The following RYR1 variants were observed in gnomAD, a reference collection of about 807,000 sequenced individuals.
The protein encoded by RYR1 is central core disease of muscle.
Under a neutral mutation model 583.5 loss-of-function variants are expected in RYR1, and 342 were observed. The ratio of observed to expected loss-of-function variants is 0.59; its 90% CI spans 0.54 to 0.64. The LOEUF is 0.64. Among genes scored for constraint, RYR1 ranks in the 30% least tolerant of loss-of-function variants. The pLI, the probability that RYR1 is intolerant of heterozygous loss-of-function variation, is 0.00. For missense variants in RYR1, 6,032 were observed against 6,917.2 expected, an observed-to-expected ratio of 0.87 and a Z score of 4.54; for synonymous variants, 2,791 against 2,822.5, an observed-to-expected ratio of 0.99 and a Z score of 0.35.
chr19:38,563,945 C>T (rs924795937), intron 90 of RYR1, among the ~76,000 whole-genome samples: 52 of 152,212 alleles, frequency 3.4e-4, no homozygotes, highest in Non-Finnish European at 2.1e-4. Flanking sequence ...AACCCGCTAG[C>T]CCTAGGCTTG....
chr19:38,584,815 C>A, intron 101 of RYR1, 128 bp from the exon 102 acceptor site: 1 of 1,076,372 alleles, frequency 9.3e-7, no homozygotes, highest in Non-Finnish European at 1.4e-6. Context: ...TATCTGTGAG[C>A]CCTTTGAGGG....
rs755390510 is a variant in RYR1 at position 38,536,741 on chromosome 19, C to T, written c.11591-9C>T. On this transcript the variant is annotated splice_polypyrimidine_tract_variant and intron_variant, in intron 82 of 105. Coordinates refer to ENST00000359596, the MANE Select transcript of RYR1 (RefSeq NM_000540.3). The stretch of plus-strand genomic sequence containing the variant: ...CTGCTTCCTCCTCCCATCCTGTTGG[C>T]TGCCCCAGTCATCAATCGCCAGAAC... 6.2e-7 allele frequency: 1 copy of T among 1,613,912 alleles called. No homozygotes were observed. Among genetic ancestry groups the T allele is most frequent in the East Asian group, 2.2e-5 (1 of 44,854 alleles).
chr19:38,489,509 A>G, intron 35 of RYR1, 66 bp downstream of exon 35: 1 of 1,588,224 alleles, frequency 6.3e-7, no homozygotes, highest in Non-Finnish European at 8.6e-7. Context: ...GGTAGGTGGG[A>G]TGTGAGTCTG....
intron 97 of RYR1, 113 bp from the exon 98 acceptor site, chr19:38,577,804 AT>A: frequency 1.4e-6 from 2 of 1,417,800 alleles, no homozygotes; most frequent in South Asian, 1.3e-5. Flanking sequence ...AAAAAAAAAA[AT>A]GCACCTCCCA....
intron 49 of RYR1, 135 bp downstream of exon 49, chr19:38,503,105 T>A: frequency 2.4e-6 from 2 of 824,448 alleles, no homozygotes; most frequent in Non-Finnish European, 4.0e-6. Flanking sequence ...AGCGTCCCCG[T>A]AGAAATCTCT....
intron 3 of RYR1, among the ~76,000 whole-genome samples, chr19:38,443,172 G>T (rs769279707): frequency 3.3e-5 from 5 of 152,196 alleles, no homozygotes; most frequent in Non-Finnish European, 5.9e-5. Context: ...AGCGCAGCAT[G>T]ATGGGGGAGG....
chr19:38,512,163 AC>A lies in RYR1; in HGVS notation c.9233+33del. On this transcript the variant is annotated intron_variant, in intron 62 of 105. Coordinates refer to ENST00000359596, the MANE Select transcript of RYR1 (RefSeq NM_000540.3). The surrounding 1 kb of genome is among the most constrained non-coding windows in gnomAD (Gnocchi z 5.1). ...GCCATAGGCAGTGGCGCCCACTCCC[AC>A]CATCATCGGGCCCCCACCCCAACCC... The A allele has an allele frequency of 6.2e-7, 1 of 1,613,678 alleles. No homozygotes were observed. The highest frequency in any genetic ancestry group is 8.5e-7 in the Non-Finnish European group (1 of 1,179,768).
chr19:38,581,129 G>A (rs1421760790), intron 101 of RYR1, among the ~76,000 whole-genome samples: 1 of 151,776 alleles, frequency 6.6e-6, no homozygotes, highest in Non-Finnish European at 1.5e-5. Flanking sequence ...CCAGGCTGGA[G>A]TGCAGTGGCG....
In RYR1 at chr19:38,473,419, C is replaced by A. The variant is rs774705775; in HGVS notation, c.3808C>A (p.Arg1270Ser). 1.2e-6 allele frequency: 2 copies of A among 1,613,768 alleles called. No homozygotes were observed. The highest frequency in any genetic ancestry group is 1.7e-5 in the Admixed American group (1 of 60,002). ...DGTVDTPPCL[R>S]LTHRTWGSQN... ...CACTGTGGACACGCCCCCCTGCCTG[C>A]GCCTGACCCACCGCACCTGGGGCTC... Residue 1270 changes from arginine to serine, a missense_variant, in exon 28 of 106, where the codon CGC becomes AGC. Coordinates refer to ENST00000359596, the MANE Select transcript of RYR1 (RefSeq NM_000540.3).
At chr19:38,578,290 G>A in intron 99 of RYR1, 86 bp downstream of exon 99, 1 of 1,396,638 alleles carries the variant, frequency 7.2e-7, no homozygotes, top group South Asian at 1.2e-5. Flanking sequence ...CCTGACCAAA[G>A]AATGACTCCT....
At chr19:38,486,375 T>C (rs1969298435) in intron 34 of RYR1, among the ~76,000 whole-genome samples, 173 bp downstream of exon 34, 1 of 152,126 alleles carries the variant, frequency 6.6e-6, no homozygotes, top group Non-Finnish European at 1.5e-5. Flanking sequence ...AGACGGAGTC[T>C]CACTGTCGCC....
chr19:38,444,529 G>A lies in RYR1; in HGVS notation c.538-55G>A. 1 of 1,494,462 alleles carries A rather than the reference G, an allele frequency of 6.7e-7. No individual in the cohort carries two copies. The highest frequency in any genetic ancestry group is 1.8e-5 in the Admixed American group (1 of 56,572). The allele number at this position is 1,494,462 out of a possible 1,614,324, so 92.6% of individuals were successfully genotyped here. Reference sequence around the variant, plus strand: ...CTTGATTTCTGGCCTCTGACGCTGGGACTCTCGCCCACCCCTGCAATCGTC... The same window carrying A: ...CTTGATTTCTGGCCTCTGACGCTGGAACTCTCGCCCACCCCTGCAATCGTC... On this transcript the variant is annotated intron_variant, in intron 6 of 105. Coordinates refer to ENST00000359596, the MANE Select transcript of RYR1 (RefSeq NM_000540.3). This position sits in a 1 kb window ranked among gnomAD's most constrained non-coding sequence, Gnocchi z 5.1.
rs193922770 is a variant in RYR1, at chr19:38,455,528, C to T, written c.1654C>T (p.Arg552Trp). 4 of 1,614,096 alleles carry T rather than the reference C, an allele frequency of 2.5e-6. No individual in the cohort carries two copies. The highest frequency in any genetic ancestry group is 2.2e-5 in the South Asian group (2 of 91,078). The change falls in exon 15 of 106, where the codon CGG becomes TGG. Residue 552 changes from arginine (R) to tryptophan (W), a missense_variant. By Grantham distance (101) the Arg-to-Trp change is moderately radical (BLOSUM62 -3). Around this residue, in one of 11 missense-constraint regions of RYR1, gnomAD observed 2,627 missense variants for 2,961.3 expected, o/e 0.89. Coordinates refer to ENST00000359596, the MANE Select transcript of RYR1 (RefSeq NM_000540.3). ...GGACTGGCTGGTCAGCAAGCTGGAT[C>T]GGCTGGAGGCCTCGTCTGGTAGGAG... is the stretch of plus-strand genomic sequence containing the variant. Reference protein sequence around the residue: ...NLDWLVSKLDRLEASSGILEV... With the variant: ...NLDWLVSKLDWLEASSGILEV...
chr19:38,490,334 C>T (rs1969498319), intron 36 of RYR1, 58 bp downstream of exon 36: 1 of 1,514,174 alleles, frequency 6.6e-7, no homozygotes, highest in South Asian at 1.2e-5. Context: ...CTCAACATCT[C>T]CTGACTCTGA....
chr19:38,579,660 A>C (rs1225008805), intron 99 of RYR1, among the ~76,000 whole-genome samples: 2 of 151,080 alleles, frequency 1.3e-5, no homozygotes, highest in Non-Finnish European at 2.9e-5. Context: ...ACTGGTCTTC[A>C]ACTCCTGACC....
At chr19:38,528,543 G>A (rs913796586) in intron 74 of RYR1, 56 bp from the exon 75 acceptor site, 3 of 1,603,110 alleles carry the variant, frequency 1.9e-6, no homozygotes, top group Non-Finnish European at 2.6e-6. Flanking sequence ...GCGCATGGGA[G>A]GTCGGGAAGC....
chr19:38,569,258 T>C (rs12609907), intron 93 of RYR1, among the ~76,000 whole-genome samples: 59 of 152,256 alleles, frequency 3.9e-4, no homozygotes, highest in East Asian at 1.2e-3. Context: ...CCACCCGCCT[T>C]GGCCTCCCAA....
chr19:38,517,444 C>T lies in RYR1; in HGVS notation c.9771C>T (p.Ala3257=), dbSNP rs75991872. 9.7e-4 allele frequency: 1,561 copies of T among 1,614,002 alleles called. 11 individuals are homozygous for T. The African/African-American group carries it at 0.018, about 19-fold the overall frequency. ...ERLMADIGGL[A]ESGARYTEMP... ...TCATGGCAGACATTGGGGGGCTGGCCGAGTCAGGTGCCCGCTACACAGAGA... is the reference window on the plus strand; with the variant it reads ...TCATGGCAGACATTGGGGGGCTGGCTGAGTCAGGTGCCCGCTACACAGAGA... The change falls in exon 66 of 106, where the codon GCC becomes GCT. Residue 3257 remains alanine (A), a synonymous_variant. Coordinates refer to ENST00000359596, the MANE Select transcript of RYR1 (RefSeq NM_000540.3).
rs2145419918 is a variant in RYR1, at chr19:38,460,713, C to T, written c.2577+122C>T. ...CTTTGGATGGCCAGGCGTGGTGGCT[C>T]ACGCCTGTAAGCCCAGCAATTTGGG... On this transcript the variant is annotated intron_variant, in intron 20 of 105. Transcript: ENST00000359596. 9.3e-6 allele frequency: 9 copies of T among 964,104 alleles called. No homozygotes were observed. In the East Asian group the frequency reaches 1.3e-4, roughly 14 times the overall value. The allele number at this position is 964,104 out of a possible 1,614,324, so 59.7% of individuals were successfully genotyped here. A position where few individuals can be genotyped will look rare whatever the true frequency, so the allele number is the denominator to read the frequency against.
Sources: gnomAD v4.1 joint callset for allele counts (sites outside exome capture counted in the v4.1 genomes callset) on GRCh38, gnomAD v4.1.1 for gene constraint, gnomAD v4.1.1 regional missense constraint, Gnocchi (gnomAD v3.1) non-coding constraint, MANE v1.5 for transcripts, NCBI Gene and HGNC (gene_info 2026-07-23, HGNC 2026-07-21) for gene names.